Variants in ST7 observed in about 807,000 individuals in gnomAD.
ST7 encodes the protein suppression of tumorigenicity 7, also known as suppressor of tumorigenicity 7 protein.
ST7 carries 28 observed loss-of-function variants against 78.7 expected under a neutral mutation model. The ratio of observed to expected loss-of-function variants is 0.36; its 90% confidence interval spans 0.26 to 0.49. The LOEUF is 0.49. Ranked by LOEUF, ST7 falls within the 20% of genes least tolerant of loss-of-function variation. ST7 has a pLI of 0.99. For missense variants in ST7, 418 were observed against 696.0 expected (o/e 0.60, Z 4.49); for synonymous variants, 247 against 249.6 (o/e 0.99, Z 0.10).
Position 117,097,451 on chromosome 7 carries a change from A to C in ST7, c.152-2311A>C, listed in dbSNP as rs1411362126. ...AACGATTCTCCTGCCTCAGCCTCCCAAGTTGCTGGGATTACAGGCACCCAC... is the reference window on the plus strand; with the variant it reads ...AACGATTCTCCTGCCTCAGCCTCCCCAGTTGCTGGGATTACAGGCACCCAC... On this transcript the variant is annotated intron_variant, in intron 1 of 15. Transcript: ENST00000323984. Among the ~76,000 whole-genome samples the C allele has an allele frequency of 4.0e-5, 6 of 150,524 alleles. No individual in the cohort carries two copies. In the East Asian group the frequency reaches 1.2e-3, roughly 29 times the overall value.
At chr7:117,023,777 T>TTTTA (rs140352486) in intron 1 of ST7, among the ~76,000 whole-genome samples, 1 of 147,896 alleles carries the variant, frequency 6.8e-6, no homozygotes, top group Admixed American at 6.8e-5. Flanking sequence ...CTTAATTTGA[T>TTTTA]TATATATATA....
At chr7:117,203,726 C>A (rs1563165834) in intron 12 of ST7, among the ~76,000 whole-genome samples, 1 of 152,156 alleles carries the variant, frequency 6.6e-6, no homozygotes, top group African/African-American at 2.4e-5. Flanking sequence ...CTCTTTTTCT[C>A]TCCTCTCTCT....
chr7:117,203,535 G>A (rs1273878427), intron 12 of ST7, among the ~76,000 whole-genome samples: 1 of 152,088 alleles, frequency 6.6e-6, no homozygotes, highest in Non-Finnish European at 1.5e-5. Flanking sequence ...GTTAATGCTG[G>A]TTTGGAATCC....
At chr7:116,957,419 A>G (rs1483695896) in intron 1 of ST7, among the ~76,000 whole-genome samples, 1 of 151,868 alleles carries the variant, frequency 6.6e-6, no homozygotes, top group Non-Finnish European at 1.5e-5. Context: ...GTTGGGCTTG[A>G]ACTCCTGGGC....
At chr7:117,167,144 A>C (rs1239589293) in intron 9 of ST7, among the ~76,000 whole-genome samples, 1 of 151,362 alleles carries the variant, frequency 6.6e-6, no homozygotes, top group African/African-American at 2.4e-5. Context: ...ATACGTATAC[A>C]TGTGCCATGC....
chr7:117,131,599 C>T (rs1804360941), intron 5 of ST7, among the ~76,000 whole-genome samples: 1 of 151,866 alleles, frequency 6.6e-6, no homozygotes, highest in African/African-American at 2.4e-5. Flanking sequence ...GAACAAATGA[C>T]ATTAATGTGC....
At chr7:116,978,951 G>A (rs1291560868) in intron 1 of ST7, among the ~76,000 whole-genome samples, 1 of 152,178 alleles carries the variant, frequency 6.6e-6, no homozygotes, top group East Asian at 1.9e-4. Flanking sequence ...AGAGGTATTG[G>A]CAGGATAATA....
Position 117,099,853 on chromosome 7 carries a change from T to C in ST7, c.234+9T>C, listed in dbSNP as rs755030716. 49 of 1,608,682 alleles carry C rather than the reference T, an allele frequency of 3.0e-5. No homozygotes were observed. In the East Asian group the frequency reaches 1.1e-3, roughly 35 times the overall value. On this transcript the variant is annotated intron_variant, in intron 2 of 15. Transcript: ENST00000323984. ...TATCAGGGCTTATTTTGGTAAGTGG[T>C]GGAGTCCTTCTCATTTAAAAACATG...
intron 5 of ST7, 79 bp from the exon 6 acceptor site, chr7:117,131,806 A>G: frequency 7.8e-7 from 1 of 1,276,154 alleles, no homozygotes; most frequent in Non-Finnish European, 1.1e-6. Flanking sequence ...TGACACTCCT[A>G]ATTTAGCTCT....
At chr7:117,218,959 G>T in intron 13 of ST7, 125 bp from the exon 14 acceptor site, 1 of 676,692 alleles carries the variant, frequency 1.5e-6, no homozygotes, top group Non-Finnish European at 2.6e-6. Context: ...TAGCTTGGTG[G>T]GGTAAGCCTT....
At chr7:116,985,948 G>T (rs1012035226) in intron 1 of ST7, among the ~76,000 whole-genome samples, 1 of 152,110 alleles carries the variant, frequency 6.6e-6, no homozygotes, top group South Asian at 2.1e-4. Context: ...CTCTTATGTC[G>T]CAGCCTCGCA....
rs201804121 is a variant in ST7, at chr7:117,025,111, T to TA, written c.151+71429dup. The stretch of plus-strand genomic sequence containing the variant: ...TGTAGTTAAACAGACATCTCTTTGA[T>TA]AAAAAAAAAGTGAGTTGTAGTCTTT... On this transcript the variant is annotated intron_variant, in intron 1 of 15. Transcript: ENST00000323984. 5.3e-3 allele frequency among the ~76,000 whole-genome samples: 799 copies of TA among 151,538 alleles called. 2 individuals are homozygous for TA. Among genetic ancestry groups the TA allele is most frequent in the Non-Finnish European group, 8.3e-3 (560 of 67,836 alleles).
At position 116,999,808 on chromosome 7, in the gene ST7, C is replaced by CTTTTTTT. The variant is rs71148356; in HGVS notation, c.151+46131_151+46137dup. Among the ~76,000 whole-genome samples the CTTTTTTT allele has an allele frequency of 1.6e-3, 164 of 104,400 alleles. 3 individuals carry two copies. The highest frequency in any genetic ancestry group is 2.0e-3 in the African/African-American group (53 of 26,488). The allele number at this position is 104,400 out of a possible 152,430, so 68.5% of individuals were successfully genotyped here. A position where few individuals can be genotyped will look rare whatever the true frequency, so the allele number is the denominator to read the frequency against. Reference sequence around the variant, plus strand: ...TTTGCTTGTGCCTAGAATTTTCTTTCTTTTTTTTTTTTTTTTTTTTGAGAC... The same window carrying CTTTTTTT: ...TTTGCTTGTGCCTAGAATTTTCTTTCTTTTTTTTTTTTTTTTTTTTTTTTTTTGAGAC... On this transcript the variant is annotated intron_variant, in intron 1 of 15. Coordinates refer to ENST00000323984, the MANE Select transcript of ST7 (RefSeq NM_001369598.1).
At chr7:117,004,751 G>A (rs1041143502) in intron 1 of ST7, among the ~76,000 whole-genome samples, 3 of 152,108 alleles carry the variant, frequency 2.0e-5, no homozygotes, top group Non-Finnish European at 2.9e-5. Flanking sequence ...TACTTTAGAG[G>A]TAAATGCTTT....
chr7:117,192,642 T>C (rs990666577), intron 12 of ST7, among the ~76,000 whole-genome samples: 61 of 152,168 alleles, frequency 4.0e-4, no homozygotes, highest in African/African-American at 1.4e-3. Context: ...ACCAGATCTT[T>C]TACCGTGATC....
intron 2 of ST7, among the ~76,000 whole-genome samples, chr7:117,109,434 C>A (rs938873273): frequency 1.3e-5 from 2 of 152,048 alleles, no homozygotes; most frequent in Admixed American, 1.3e-4. Context: ...TACTTTGAAC[C>A]CCTTTACACA....
At chr7:117,171,240 T>A (rs563537778) in intron 10 of ST7, among the ~76,000 whole-genome samples, 1 of 152,144 alleles carries the variant, frequency 6.6e-6, no homozygotes, top group African/African-American at 2.4e-5. Flanking sequence ...CAGGCAGTTA[T>A]GTCTACTCTG....
In ST7 at chr7:117,195,654, T is replaced by G. The variant is rs1486209038; in HGVS notation, c.1254+4718T>G. On this transcript the variant is annotated intron_variant, in intron 12 of 15. Transcript: ENST00000323984. Reference sequence around the variant, plus strand: ...ATGAGCAAAAGGAGAAAAAGCCCCTTATAAAACCATCAGATCTTGTGAAAA... The same window carrying G: ...ATGAGCAAAAGGAGAAAAAGCCCCTGATAAAACCATCAGATCTTGTGAAAA... Among the ~76,000 whole-genome samples the G allele has an allele frequency of 3.9e-5, 6 of 152,124 alleles. No homozygotes were observed. In the East Asian group the frequency reaches 1.2e-3, roughly 29 times the overall value.
At chr7:117,125,980 T>A (rs550331743) in intron 3 of ST7, among the ~76,000 whole-genome samples, 1 of 152,114 alleles carries the variant, frequency 6.6e-6, no homozygotes, top group African/African-American at 2.4e-5. Flanking sequence ...TTTTCTGTAC[T>A]TTTTACTTAT....
Sources: gnomAD v4.1 joint callset for allele counts (sites outside exome capture counted in the v4.1 genomes callset) on GRCh38, gnomAD v4.1.1 for gene constraint, MANE v1.5 for transcripts, NCBI Gene and HGNC (gene_info 2026-07-23, HGNC 2026-07-21) for gene names.